The following SERPINA3 variants were observed in gnomAD, a reference collection of about 807,000 sequenced individuals.
SERPINA3 encodes the protein serpin family A member 3, also known as alpha-1-antichymotrypsin.
SERPINA3 carries 32 observed loss-of-function variants against 26.8 expected under a neutral mutation model. That is an observed-to-expected ratio of 1.20 (90% confidence interval 0.90 to 1.61). The LOEUF is 1.61. Ranked by LOEUF, SERPINA3 falls within the 40% of genes most tolerant of loss-of-function variation. The pLI, the probability that SERPINA3 is intolerant of heterozygous loss-of-function variation, is 0.00. For missense variants in SERPINA3, 632 were observed against 517.9 expected, an observed-to-expected ratio of 1.22 and a Z score of -2.14; for synonymous variants, 252 against 206.4, an observed-to-expected ratio of 1.22 and a Z score of -1.89.
chr14:94,620,447 G>T (rs753446276), intron 3 of SERPINA3, among the ~76,000 whole-genome samples: 1 of 152,186 alleles, frequency 6.6e-6, no homozygotes, highest in Non-Finnish European at 1.5e-5. Flanking sequence ...GTCCCCAAAG[G>T]GGTGGAGCAG....
At position 94,614,666 on chromosome 14, in the gene SERPINA3, C is replaced by G. The variant is rs1473557768; in HGVS notation, c.225C>G (p.Phe75Leu). ...VLKAPDKNVI[F>L]SPLSISTALA... is the part of the protein sequence containing the mutation. ...AGGCCCCTGATAAGAATGTCATCTT[C>G]TCCCCACTGAGCATCTCCACCGCCT... The change falls in exon 2 of 5, where the codon TTC (phenylalanine) becomes TTG (leucine). Residue 75 changes from phenylalanine to leucine, a missense_variant. Transcript: ENST00000393078. The G allele has an allele frequency of 9.3e-6, 15 of 1,614,088 alleles. No homozygotes were observed. The highest frequency in any genetic ancestry group is 1.7e-5 in the Admixed American group (1 of 60,014).
chr14:94,621,603 T>C (rs1433169663), intron 3 of SERPINA3, among the ~76,000 whole-genome samples: 1 of 152,094 alleles, frequency 6.6e-6, no homozygotes, highest in African/African-American at 2.4e-5. Flanking sequence ...CTCTAGGAGC[T>C]TGCTACCTGC....
At chr14:94,618,943 T>C (rs1404011850) in intron 2 of SERPINA3, 1 of 578,802 alleles carries the variant, frequency 1.7e-6, no homozygotes, top group Non-Finnish European at 3.1e-6. Context: ...TTGCACTCCT[T>C]ATTCCCTGGT....
At chr14:94,615,117 T>C (rs1226921338) in intron 2 of SERPINA3, 33 bp downstream of exon 2, 17 of 1,610,036 alleles carry the variant, frequency 1.1e-5, no homozygotes, top group Non-Finnish European at 1.4e-5. Context: ...TCAGAAGAGG[T>C]GGATCTCAGG....
intron 3 of SERPINA3, 26 bp downstream of exon 3, chr14:94,619,494 C>T: frequency 1.2e-6 from 2 of 1,613,476 alleles, no homozygotes; most frequent in South Asian, 1.1e-5. Context: ...CCCCAAAGAC[C>T]CCACATCTCT....
At position 94,619,447 on chromosome 14, in the gene SERPINA3, GGAGA is replaced by G; in HGVS notation, c.899_902del (p.Arg300ThrfsTer8). 1 of 1,614,124 alleles carries G rather than the reference GGAGA, an allele frequency of 6.2e-7. No homozygotes were observed. Among genetic ancestry groups the G allele is most frequent in the Non-Finnish European group, 8.5e-7 (1 of 1,180,034 alleles). ...CTGCTCCCAGAGACCCTGAAGCGGTGGAGAGACTCTCTGGAGTTCAGGTGATTCT... is the reference window on the plus strand; with the variant it reads ...CTGCTCCCAGAGACCCTGAAGCGGTGGACTCTCTGGAGTTCAGGTGATTCT... On this transcript the variant is annotated frameshift_variant, in exon 3 of 5. Coordinates refer to ENST00000393078, the MANE Select transcript of SERPINA3 (RefSeq NM_001085.5). LOFTEE classifies it high-confidence loss of function.
intron 4 of SERPINA3, 43 bp from the exon 5 acceptor site, chr14:94,623,568 C>A (rs370392882): frequency 1.1e-5 from 18 of 1,582,214 alleles, no homozygotes; most frequent in Non-Finnish European, 1.4e-5. Flanking sequence ...TGAACTCCTG[C>A]GCATCTGTGT....
chr14:94,614,090 CTCGGACCCCCCA>C, intron 1 of SERPINA3: 1 of 316,270 alleles, frequency 3.2e-6, no homozygotes, highest in Admixed American at 4.4e-5. Context: ...TGGACTGAAC[CTCGGACCCCCCA>C]TCAGCTTACA....
chr14:94,616,762 T>A (rs1464476508), intron 2 of SERPINA3, among the ~76,000 whole-genome samples: 1 of 152,108 alleles, frequency 6.6e-6, no homozygotes, highest in Non-Finnish European at 1.5e-5. Context: ...CGAAGGCCGT[T>A]ACAGCAGAGA....
In SERPINA3 at chr14:94,619,356, A is replaced by C; in HGVS notation, c.805A>C (p.Thr269Pro). ...LSCTVVELKY[T>P]GNASALFILP... Reference sequence around the variant, plus strand: ...CTGCACCGTGGTGGAGCTGAAGTACACAGGCAATGCCAGCGCACTCTTCAT... The same window carrying C: ...CTGCACCGTGGTGGAGCTGAAGTACCCAGGCAATGCCAGCGCACTCTTCAT... Residue 269 changes from threonine (T) to proline (P), a missense_variant, in exon 3 of 5, where the codon ACA becomes CCA. By Grantham distance (38) the Thr-to-Pro change is conservative. Transcript: ENST00000393078. The C allele has an allele frequency of 1.2e-6, 2 of 1,614,190 alleles. No homozygotes were observed. The highest frequency in any genetic ancestry group is 1.7e-6 in the Non-Finnish European group (2 of 1,180,020).
intron 3 of SERPINA3, chr14:94,619,883 C>T: frequency 4.1e-6 from 1 of 246,712 alleles, no homozygotes; most frequent in Non-Finnish European, 7.9e-6. Context: ...TCAGCATTTG[C>T]TGCATGATTA....
chr14:94,614,816 C>A lies in SERPINA3; in HGVS notation c.375C>A (p.Thr125=). The change falls in exon 2 of 5, where the codon ACC becomes ACA. Residue 125 remains threonine, a synonymous_variant. Transcript: ENST00000393078. ...AGAGCTTCCAGCACCTCCTGCGCAC[C>A]CTCAATCAGTCCAGCGATGAGCTGC... is the stretch of plus-strand genomic sequence containing the variant. ...IHQSFQHLLR[T]LNQSSDELQL... The A allele has an allele frequency of 6.2e-7, 1 of 1,614,176 alleles. No homozygotes were observed. The highest frequency in any genetic ancestry group is 8.5e-7 in the Non-Finnish European group (1 of 1,180,038).
chr14:94,619,337 C>A lies in SERPINA3; in HGVS notation c.786C>A (p.Thr262=), dbSNP rs573366685. 462 of 1,614,188 alleles carry A rather than the reference C, an allele frequency of 2.9e-4. 2 individuals are homozygous for A. Among genetic ancestry groups the A allele is most frequent in the East Asian group, 1.7e-3 (75 of 44,870 alleles). ...PYFRDEELSC[T]VVELKYTGNA... is the part of the protein sequence containing the mutation. ...TCCGGGACGAGGAGCTGTCCTGCACCGTGGTGGAGCTGAAGTACACAGGCA... is the reference window on the plus strand; with the variant it reads ...TCCGGGACGAGGAGCTGTCCTGCACAGTGGTGGAGCTGAAGTACACAGGCA... Residue 262 remains threonine, a synonymous_variant, in exon 3 of 5, where the codon ACC becomes ACA. Transcript: ENST00000393078.
intron 3 of SERPINA3, among the ~76,000 whole-genome samples, chr14:94,621,740 G>A (rs535589485): frequency 4.7e-4 from 71 of 151,630 alleles, no homozygotes; most frequent in Non-Finnish European, 8.7e-4. Flanking sequence ...GAGGCCCCCA[G>A]GCCCTTTTTG....
intron 4 of SERPINA3, among the ~76,000 whole-genome samples, chr14:94,623,005 C>T (rs1006499880): frequency 8.5e-5 from 13 of 152,228 alleles, no homozygotes; most frequent in Non-Finnish European, 1.6e-4. Context: ...GCCTTTTGCT[C>T]TTGTCTGCCC....
Position 94,622,381 on chromosome 14 carries a change from A to T in SERPINA3, c.958A>T (p.Arg320Trp). The T allele has an allele frequency of 6.2e-7, 1 of 1,613,882 alleles. No individual in the cohort carries two copies. Among genetic ancestry groups the T allele is most frequent in the Non-Finnish European group, 8.5e-7 (1 of 1,179,986 alleles). Reference protein sequence around the residue: ...ELYLPKFSISRDYNLNDILLQ... With the variant: ...ELYLPKFSISWDYNLNDILLQ... ...CTACCTGCCAAAGTTTTCCATCTCG[A>T]GGGACTATAACCTGAACGACATACT... Residue 320 changes from arginine (R) to tryptophan (W), a missense_variant, in exon 4 of 5, where the codon AGG becomes TGG. Coordinates refer to ENST00000393078, the MANE Select transcript of SERPINA3 (RefSeq NM_001085.5).
At chr14:94,612,510 C>T (rs1885818616) in intron 1 of SERPINA3, 63 bp downstream of exon 1, 6 of 1,070,334 alleles carry the variant, frequency 5.6e-6, no homozygotes, top group South Asian at 3.9e-5. Context: ...GAGTTTTAGG[C>T]AGCAGCCTGG....
Position 94,614,469 on chromosome 14 carries a change from C to G in SERPINA3, c.28C>G (p.Leu10Val). MERMLPLLA[L>V]GLLAAGFCPA... ...GGAGAGAATGTTACCTCTCCTGGCT[C>G]TGGGGCTCTTGGCGGCTGGGTTCTG... Residue 10 changes from leucine to valine, a missense_variant, in exon 2 of 5, where the codon CTG becomes GTG. Transcript: ENST00000393078. 6.2e-7 allele frequency: 1 copy of G among 1,614,106 alleles called. No individual in the cohort carries two copies. The highest frequency in any genetic ancestry group is 8.5e-7 in the Non-Finnish European group (1 of 1,180,016).
intron 2 of SERPINA3, chr14:94,618,994 C>G: frequency 1.6e-6 from 1 of 642,380 alleles, no homozygotes; most frequent in Admixed American, 2.4e-5. Flanking sequence ...CTAGGTCTTT[C>G]TTTTGTGGCC....
Sources: allele counts gnomAD v4.1 joint callset (sites outside exome capture counted in the v4.1 genomes callset), GRCh38; gene constraint gnomAD v4.1.1; transcripts MANE v1.5; gene names NCBI Gene and HGNC (gene_info 2026-07-23, HGNC 2026-07-21).